Variants in RASGRP3 observed in about 807,000 individuals in gnomAD.
RASGRP3 encodes ras guanyl-releasing protein 3.
In RASGRP3, 54 loss-of-function variants were observed where a neutral mutation model predicts 82.7. The observed-to-expected ratio is 0.65, with a 90% CI of 0.52 to 0.82. The LOEUF (loss-of-function observed/expected upper bound fraction) is 0.82. Among genes scored for constraint, RASGRP3 ranks in the 40% least tolerant of loss-of-function variants. The pLI, the probability that RASGRP3 is intolerant of heterozygous loss-of-function variation, is 0.00. For synonymous variants in RASGRP3, 309 were observed against 300.5 expected (o/e 1.03, Z -0.29); for missense variants, 861 against 828.9 (o/e 1.04, Z -0.48).
intron 1 of RASGRP3, among the ~76,000 whole-genome samples, chr2:33,503,278 G>C (rs1185128187): frequency 6.6e-6 from 1 of 152,170 alleles, no homozygotes; most frequent in Admixed American, 6.5e-5. Context: ...GATGATGAAA[G>C]TGAGCCTCAG....
chr2:33,561,489 G>C (rs1227954469), intron 17 of RASGRP3, among the ~76,000 whole-genome samples: 1 of 152,126 alleles, frequency 6.6e-6, no homozygotes, highest in Non-Finnish European at 1.5e-5. Flanking sequence ...TACAGTTCCA[G>C]TACCATTCAA....
chr2:33,485,139 G>C (rs993992408), intron 1 of RASGRP3, among the ~76,000 whole-genome samples: 5 of 152,172 alleles, frequency 3.3e-5, no homozygotes, highest in African/African-American at 1.2e-4. Flanking sequence ...CAGAGGTTGC[G>C]ATGAGCCTAG....
Position 33,539,291 on chromosome 2 carries a change from C to T in RASGRP3, c.1278+81C>T. ...GAATGTTCTGCGATTGTCCAGGAAT[C>T]TGATGGAACCCCTGAAAACAACCCT... On this transcript the variant is annotated intron_variant, in intron 12 of 17. Coordinates refer to ENST00000403687, the MANE Select transcript of RASGRP3 (RefSeq NM_001139488.2). The T allele has an allele frequency of 3.4e-6, 4 of 1,166,512 alleles. No homozygotes were observed. The Admixed American group carries it at 8.6e-5, about 25-fold the overall frequency. 72.3% of individuals were successfully genotyped at this position (1,166,512 alleles called of 1,614,324 possible).
chr2:33,487,503 A>G (rs948019856), intron 1 of RASGRP3, among the ~76,000 whole-genome samples: 2 of 152,218 alleles, frequency 1.3e-5, no homozygotes, highest in African/African-American at 4.8e-5. Flanking sequence ...TAATTTGAAT[A>G]ATCAGCATAT....
chr2:33,554,783 C>T lies in RASGRP3; in HGVS notation c.1543-748C>T, dbSNP rs568814658. ...CCACCGCGCCTGGCCAGGCCCTCTTCTTTATGGTGTTTAGAAGGAGTCTGT... is the reference window on the plus strand; with the variant it reads ...CCACCGCGCCTGGCCAGGCCCTCTTTTTTATGGTGTTTAGAAGGAGTCTGT... On this transcript the variant is annotated intron_variant, in intron 14 of 17. Transcript: ENST00000403687. Among the ~76,000 whole-genome samples, 6 of 152,220 alleles carry T rather than the reference C, an allele frequency of 3.9e-5. No homozygotes were observed. The East Asian group carries it at 7.7e-4, about 20-fold the overall frequency.
chr2:33,479,560 T>C (rs973356759), intron 1 of RASGRP3, among the ~76,000 whole-genome samples: 1 of 152,150 alleles, frequency 6.6e-6, no homozygotes, highest in African/African-American at 2.4e-5. Context: ...CGCTGTTTTT[T>C]TGAGCTGTGG....
chr2:33,507,463 T>C (rs1435330152), intron 1 of RASGRP3, among the ~76,000 whole-genome samples: 1 of 152,066 alleles, frequency 6.6e-6, no homozygotes, highest in Non-Finnish European at 1.5e-5. Context: ...GTGGGGATCA[T>C]AGGAAAGGTG....
chr2:33,436,785 T>A (rs1182511890), intron 1 of RASGRP3, among the ~76,000 whole-genome samples: 1 of 152,200 alleles, frequency 6.6e-6, no homozygotes, highest in Non-Finnish European at 1.5e-5. Context: ...CAATAAATAT[T>A]TTAAAAAGTT....
At position 33,539,174 on chromosome 2, in the gene RASGRP3, C is replaced by G; in HGVS notation, c.1242C>G (p.Pro414=). 1 of 1,610,470 alleles carries G rather than the reference C, an allele frequency of 6.2e-7. No individual in the cohort carries two copies. Residue 414 remains proline, a synonymous_variant, in exon 12 of 18, where the codon CCC becomes CCG. Coordinates refer to ENST00000403687, the MANE Select transcript of RASGRP3 (RefSeq NM_001139488.2). Reference sequence around the variant, plus strand: ...TAGGGGTGATGCCAAAGCCAGACCCCACGGTCATCAACAAGCACATAAGGA... The same window carrying G: ...TAGGGGTGATGCCAAAGCCAGACCCGACGGTCATCAACAAGCACATAAGGA... ...WALGVMPKPD[P]TVINKHIRKL... is the part of the protein sequence containing the mutation.
intron 13 of RASGRP3, among the ~76,000 whole-genome samples, chr2:33,545,721 C>T (rs1241284078): frequency 6.6e-6 from 1 of 152,114 alleles, no homozygotes; most frequent in Non-Finnish European, 1.5e-5. Context: ...AAAAAAAGCT[C>T]AATATCACTG....
rs1675872819 is a variant in RASGRP3 at position 33,555,684 on chromosome 2, T to G, written c.1579+117T>G. On this transcript the variant is annotated intron_variant, in intron 15 of 17. Coordinates refer to ENST00000403687, the MANE Select transcript of RASGRP3 (RefSeq NM_001139488.2). ...TTATTCGGAATTTCAGTCTTTTGGG[T>G]CAACGGCAACTGAGAATGATTGCCT... The G allele has an allele frequency of 2.2e-5, 20 of 908,040 alleles. No homozygotes were observed. In the South Asian group the frequency reaches 3.0e-4, roughly 14 times the overall value. 56.2% of individuals were successfully genotyped at this position (908,040 alleles called of 1,614,324 possible).
chr2:33,456,305 A>T (rs1346358499), intron 2 of RASGRP3, among the ~76,000 whole-genome samples: 2 of 152,198 alleles, frequency 1.3e-5, no homozygotes, highest in Non-Finnish European at 2.9e-5. Flanking sequence ...TAGACCATCT[A>T]CACTGTGATT....
chr2:33,438,085 C>G (rs539938862), intron 1 of RASGRP3, among the ~76,000 whole-genome samples: 2 of 152,264 alleles, frequency 1.3e-5, no homozygotes, highest in South Asian at 4.1e-4. Context: ...CTTAGAGTTT[C>G]AAAACAACGT....
intron 1 of RASGRP3, among the ~76,000 whole-genome samples, chr2:33,488,540 A>G (rs986118982): frequency 4.6e-5 from 7 of 152,208 alleles, no homozygotes; most frequent in African/African-American, 9.6e-5. Context: ...CTCTCCATAC[A>G]CAATGGAAAA....
intron 2 of RASGRP3, among the ~76,000 whole-genome samples, chr2:33,469,425 A>G (rs912898815): frequency 6.6e-6 from 1 of 152,008 alleles, no homozygotes; most frequent in Non-Finnish European, 1.5e-5. Flanking sequence ...TTAAGATTAT[A>G]AAACCAATCA....
At chr2:33,507,324 G>A (rs183239164) in intron 1 of RASGRP3, among the ~76,000 whole-genome samples, 80 of 152,194 alleles carry the variant, frequency 5.3e-4, no homozygotes, top group African/African-American at 1.9e-3. Context: ...GAAAGTGGGG[G>A]GCAGAGGTTG....
chr2:33,451,779 T>G (rs1665812477), intron 2 of RASGRP3, among the ~76,000 whole-genome samples: 1 of 152,114 alleles, frequency 6.6e-6, no homozygotes, highest in African/African-American at 2.4e-5. Flanking sequence ...TTTGGGAAGT[T>G]TCTTATCATT....
At chr2:33,457,799 AC>A (rs1666122434) in intron 2 of RASGRP3, among the ~76,000 whole-genome samples, 1 of 152,030 alleles carries the variant, frequency 6.6e-6, no homozygotes, top group South Asian at 2.1e-4. Flanking sequence ...AGTGTTCTTA[AC>A]CCTCACCACA....
At chr2:33,463,663 A>G (rs1666508044) in intron 2 of RASGRP3, among the ~76,000 whole-genome samples, 1 of 145,002 alleles carries the variant, frequency 6.9e-6, no homozygotes, top group South Asian at 2.1e-4. Context: ...CAATGGCGCA[A>G]TCTTGGCTCA....
Sources: gnomAD v4.1 joint callset for allele counts (sites outside exome capture counted in the v4.1 genomes callset) on GRCh38, gnomAD v4.1.1 for gene constraint, MANE v1.5 for transcripts, NCBI Gene and HGNC (gene_info 2026-07-23, HGNC 2026-07-21) for gene names.